RASEF: variants seen among roughly 807,000 people sequenced by gnomAD.
RASEF encodes ras and EF-hand domain-containing protein.
Under a neutral mutation model 90.1 loss-of-function variants are expected in RASEF, and 68 were observed. The ratio of observed to expected loss-of-function variants is 0.75; its 90% CI spans 0.62 to 0.92. The LOEUF is 0.92. Ranked by LOEUF, RASEF falls within the 40% of genes least tolerant of loss-of-function variation. The pLI, the probability that RASEF is intolerant of heterozygous loss-of-function variation, is 0.00. For missense variants in RASEF, 949 were observed against 937.2 expected, an observed-to-expected ratio of 1.01 and a Z score of -0.16; for synonymous variants, 331 against 345.2, an observed-to-expected ratio of 0.96 and a Z score of 0.46.
intron 1 of RASEF, among the ~76,000 whole-genome samples, chr9:83,031,579 G>A (rs1447555351): frequency 6.6e-6 from 1 of 152,136 alleles, no homozygotes; most frequent in Non-Finnish European, 1.5e-5. Flanking sequence ...GGGCTCTCTA[G>A]GGAAGAACTA....
At chr9:83,103,951 A>C in the RASEF span, among the ~76,000 whole-genome samples, 2 of 152,198 alleles carry the variant, frequency 1.3e-5, no homozygotes, top group East Asian at 3.8e-4. Context: ...GAATTTCCCC[A>C]ATCAAAGGCC....
At chr9:83,045,932 T>C (rs1829921175) in intron 1 of RASEF, among the ~76,000 whole-genome samples, 1 of 152,074 alleles carries the variant, frequency 6.6e-6, no homozygotes, top group African/African-American at 2.4e-5. Flanking sequence ...ACCTGTGTTG[T>C]CTGGGTTCTC....
chr9:83,089,931 T>C, the RASEF span, among the ~76,000 whole-genome samples: 1 of 150,648 alleles, frequency 6.6e-6, no homozygotes. Flanking sequence ...GATAGATAGA[T>C]AGATAGATAG....
At chr9:83,132,381 T>C in the RASEF span, among the ~76,000 whole-genome samples, 1 of 152,132 alleles carries the variant, frequency 6.6e-6, no homozygotes, top group Admixed American at 6.5e-5. Flanking sequence ...TTTTTGCCAC[T>C]TGTTATTTTG....
At position 83,015,708 on chromosome 9, in the gene RASEF, C is replaced by A. The variant is rs1829331206; in HGVS notation, c.765+97G>T. On this transcript the variant is annotated intron_variant, in intron 4 of 16. Coordinates refer to ENST00000376447, the MANE Select transcript of RASEF (RefSeq NM_152573.4). ...ACAAATCTGAAATCTGATCTATCCG[C>A]CACTTCAATAGGATTCCAAATGTTT... The A allele has an allele frequency of 1.9e-5, 17 of 878,290 alleles. No homozygotes were observed. The East Asian group carries it at 3.9e-4, about 20-fold the overall frequency. The allele number at this position is 878,290 out of a possible 1,614,324, so 54.4% of individuals were successfully genotyped here.
the RASEF span, among the ~76,000 whole-genome samples, chr9:83,127,959 G>A: frequency 0.55 from 83,616 of 151,142 alleles, 23,812 homozygotes; most frequent in East Asian, 0.79. Context: ...TTGATCTAAA[G>A]CTCAAGAAAT....
At position 83,005,425 on chromosome 9, in the gene RASEF, G is replaced by C; in HGVS notation, c.1104C>G (p.Asn368Lys). Residue 368 changes from asparagine (N) to lysine (K), a missense_variant, in exon 8 of 17, where the codon AAC becomes AAG. Coordinates refer to ENST00000376447, the MANE Select transcript of RASEF (RefSeq NM_152573.4). ...AAACTATGTGGCATACCAAAGATCT[G>C]TTGAACTTGCTATAACTGTTTTCAA... ...SALENSYSKF[N>K]RSLHINNISP... 6.2e-7 allele frequency: 1 copy of C among 1,609,930 alleles called. No homozygotes were observed. Among genetic ancestry groups the C allele is most frequent in the Non-Finnish European group, 8.5e-7 (1 of 1,176,286 alleles).
the RASEF span, among the ~76,000 whole-genome samples, chr9:83,139,315 G>C: frequency 1.3e-5 from 2 of 152,098 alleles, no homozygotes; most frequent in African/African-American, 4.8e-5. Context: ...CAACATGGGG[G>C]CTTGGGCTCC....
intron 2 of RASEF, among the ~76,000 whole-genome samples, chr9:83,024,503 C>T (rs925787400): frequency 6.6e-6 from 1 of 152,102 alleles, no homozygotes; most frequent in Non-Finnish European, 1.5e-5. Flanking sequence ...TGTGTGTCTG[C>T]CTGTCCCATC....
At chr9:82,982,817 G>C (rs1255161793) in intron 16 of RASEF, 35 bp from the exon 17 acceptor site, 2 of 1,116,694 alleles carry the variant, frequency 1.8e-6, no homozygotes, top group African/African-American at 1.5e-5. Flanking sequence ...GAGAGAGAGA[G>C]AGAGAGAGAG....
chr9:83,113,082 T>C, the RASEF span, among the ~76,000 whole-genome samples: 1 of 152,206 alleles, frequency 6.6e-6, no homozygotes, highest in Non-Finnish European at 1.5e-5. Context: ...TCATAACCTG[T>C]GTTGCAGGAA....
chr9:83,120,620 C>T, the RASEF span, among the ~76,000 whole-genome samples: 1 of 152,260 alleles, frequency 6.6e-6, no homozygotes, highest in African/African-American at 2.4e-5. Context: ...TCCTGACTGA[C>T]ACAAAGATGA....
intron 1 of RASEF, among the ~76,000 whole-genome samples, chr9:83,061,439 A>G (rs1830198362): frequency 6.6e-6 from 1 of 152,220 alleles, no homozygotes; most frequent in Non-Finnish European, 1.5e-5. Context: ...GAGCGTCTTA[A>G]TAACGACAGC....
the RASEF span, among the ~76,000 whole-genome samples, chr9:83,168,478 T>G: frequency 6.6e-6 from 1 of 152,064 alleles, no homozygotes; most frequent in Non-Finnish European, 1.5e-5. Context: ...CATCACCTCA[T>G]TTATCATTCG....
chr9:83,104,585 TA>T, the RASEF span, among the ~76,000 whole-genome samples: 4 of 152,256 alleles, frequency 2.6e-5, no homozygotes, highest in African/African-American at 9.6e-5. Context: ...TACGTGGTGG[TA>T]TCCGTCCATC....
rs59546421 is a variant in RASEF at position 83,059,269 on chromosome 9, TACACACACACAC to T, written c.431+3156_431+3167del. ...TCTCAGCCATCCATCAAATGCTCAA[TACACACACACAC>T]ACACACACACACACACACACACAGC... On this transcript the variant is annotated intron_variant, in intron 1 of 16. Transcript: ENST00000376447. 1.3e-3 allele frequency among the ~76,000 whole-genome samples: 163 copies of T among 129,122 alleles called. 1 individual carries two copies. Among genetic ancestry groups the T allele is most frequent in the Non-Finnish European group, 2.1e-3 (128 of 62,310 alleles). 84.7% of individuals were successfully genotyped at this position (129,122 alleles called of 152,430 possible).
At chr9:83,079,472 T>A in the RASEF span, among the ~76,000 whole-genome samples, 1 of 152,112 alleles carries the variant, frequency 6.6e-6, no homozygotes, top group Non-Finnish European at 1.5e-5. Flanking sequence ...TGAAGTCGGG[T>A]GATACCACAC....
At chr9:83,130,224 T>A in the RASEF span, among the ~76,000 whole-genome samples, 2 of 152,236 alleles carry the variant, frequency 1.3e-5, no homozygotes, top group Admixed American at 1.3e-4. Flanking sequence ...TACTTTGTAA[T>A]CTATCCTTGT....
the RASEF span, among the ~76,000 whole-genome samples, chr9:83,077,643 A>C: frequency 6.6e-6 from 1 of 152,222 alleles, no homozygotes; most frequent in South Asian, 2.1e-4. Flanking sequence ...TTTCATTTTG[A>C]GATTATTAGA....
Sources: allele counts gnomAD v4.1 joint callset (sites outside exome capture counted in the v4.1 genomes callset), GRCh38; gene constraint gnomAD v4.1.1; transcripts MANE v1.5; gene names NCBI Gene and HGNC (gene_info 2026-07-23, HGNC 2026-07-21).